The following RHOT2 variants were observed in gnomAD, a reference collection of about 807,000 sequenced individuals.
RHOT2 encodes mitochondrial Rho GTPase 2.
A neutral mutation model predicts 81.6 loss-of-function variants in RHOT2; 90 were observed. The observed-to-expected ratio is 1.10, with a 90% CI of 0.93 to 1.31. RHOT2 has a LOEUF of 1.31. Among genes scored for constraint, RHOT2 ranks in the 40% most tolerant of loss-of-function variants. The pLI, the probability that RHOT2 is intolerant of heterozygous loss-of-function variation, is 0.00. For missense variants in RHOT2, 1,014 were observed against 841.9 expected (o/e 1.20, Z -2.53); for synonymous variants, 512 against 370.9 (o/e 1.38, Z -4.37).
rs775691192 is a variant in RHOT2 at position 672,969 on chromosome 16, C to T, written c.1569C>T (p.Ser523=). 5 of 1,612,834 alleles carry T rather than the reference C, an allele frequency of 3.1e-6. No individual in the cohort carries two copies. The highest frequency in any genetic ancestry group is 1.7e-5 in the Admixed American group (1 of 60,034). ...GGCAGACCCCCTGCCTCTTTGTCTC[C>T]TCCAAGGCCGACCTGCCCGAAGGTG... is the stretch of plus-strand genomic sequence containing the variant. ...MDGQTPCLFV[S]SKADLPEGVA... The change falls in exon 18 of 19, where the codon TCC becomes TCT. Residue 523 remains serine (S), a synonymous_variant. Coordinates refer to ENST00000315082, the MANE Select transcript of RHOT2 (RefSeq NM_138769.3).
chr16:670,726 C>G lies in RHOT2; in HGVS notation c.592C>G (p.Gln198Glu), dbSNP rs1442658340. The change falls in exon 9 of 19, where the codon CAG becomes GAG. Residue 198 changes from glutamine (Q) to glutamate (E), a missense_variant. Gln to Glu is a conservative substitution (Grantham distance 29). Coordinates refer to ENST00000315082, the MANE Select transcript of RHOT2 (RefSeq NM_138769.3). ...GACGCGCATCTTCAGGCTCTCAGAT[C>G]AGGACCTGGACCAGGCGCTCAGTGA... ...ALTRIFRLSD[Q>E]DLDQALSDEE... is the part of the protein sequence containing the mutation. The G allele has an allele frequency of 1.2e-6, 2 of 1,612,518 alleles. No homozygotes were observed. The highest frequency in any genetic ancestry group is 1.7e-5 in the Admixed American group (1 of 60,032).
chr16:672,384 G>C lies in RHOT2; in HGVS notation c.1326G>C (p.Gly442=). Residue 442 remains glycine, a splice_region_variant and synonymous_variant, in exon 15 of 19, where the codon GGG becomes GGC. Coordinates refer to ENST00000315082, the MANE Select transcript of RHOT2 (RefSeq NM_138769.3). ...AGGCCTTTCTCGGCCGCGGCCTGGG[G>C]GTAAGCACCCTAGACTCCCCCACCA... ...FLQAFLGRGL[G]HQDTREQPPG... is the part of the protein sequence containing the mutation. The C allele has an allele frequency of 6.2e-7, 1 of 1,609,490 alleles. No individual in the cohort carries two copies. The highest frequency in any genetic ancestry group is 1.3e-5 in the African/African-American group (1 of 74,970).
intron 11 of RHOT2, 155 bp downstream of exon 11, chr16:671,358 C>T (rs1214344427): frequency 1.0e-5 from 10 of 980,272 alleles, no homozygotes; most frequent in African/African-American, 1.6e-5. Flanking sequence ...GGGTCGTGCC[C>T]TTGCCTGGCT....
chr16:669,558 C>A lies in RHOT2; in HGVS notation c.228C>A (p.Asn76Lys). The change falls in exon 5 of 19, where the codon AAC (asparagine) becomes AAA (lysine). Residue 76 changes from asparagine (N) to lysine (K), a missense_variant. By Grantham distance (94) the Asn-to-Lys change is moderately conservative (BLOSUM62 0). Coordinates refer to ENST00000315082, the MANE Select transcript of RHOT2 (RefSeq NM_138769.3). Reference sequence around the variant, plus strand: ...CCTCATCACTGTTCCCTCAGGCAAACGTGGTGTGTGTGGTGTATGACGTCT... The same window carrying A: ...CCTCATCACTGTTCCCTCAGGCAAAAGTGGTGTGTGTGGTGTATGACGTCT... The part of the protein sequence containing the change: ...EELREEIHKA[N>K]VVCVVYDVSE... 6.2e-7 allele frequency: 1 copy of A among 1,611,950 alleles called. No homozygotes were observed.
chr16:668,620 T>TG (rs1555465834), intron 3 of RHOT2, 36 bp from the exon 4 acceptor site: 1 of 1,609,152 alleles, frequency 6.2e-7, no homozygotes, highest in Non-Finnish European at 8.5e-7. Context: ...CCGGCGGGCC[T>TG]GCTGGGTCCG....
rs1461154465 is a variant in RHOT2, at chr16:671,781, G to A, written c.954G>A (p.Gln318=). The change falls in exon 12 of 19, where the codon CAG becomes CAA. Residue 318 remains glutamine, a splice_region_variant and synonymous_variant. Transcript: ENST00000315082. ...FVQRVFEKHD[Q]DRDGALSPVE... Reference sequence around the variant, plus strand: ...AGAGAGTGTTTGAGAAGCACGACCAGGTGAGAGCATGGCGAGTCCCCTGCC... The same window carrying A: ...AGAGAGTGTTTGAGAAGCACGACCAAGTGAGAGCATGGCGAGTCCCCTGCC... The A allele has an allele frequency of 1.2e-6, 2 of 1,611,968 alleles. No individual in the cohort carries two copies. The highest frequency in any genetic ancestry group is 1.7e-6 in the Non-Finnish European group (2 of 1,179,536).
Position 670,317 on chromosome 16 carries a change from C to A in RHOT2, c.398C>A (p.Pro133His). Residue 133 changes from proline (P) to histidine (H), a missense_variant, in exon 7 of 19, where the codon CCC (proline) becomes CAC (histidine). Pro to His is a moderately conservative substitution (Grantham distance 77). Coordinates refer to ENST00000315082, the MANE Select transcript of RHOT2 (RefSeq NM_138769.3). ...RSGSSMEAVL[P>H]IMSQFPEIET... ...GGGAGCTCCATGGAGGCCGTGCTCC[C>A]CATCATGAGCCAGTTTCCCGAGATT... 1 of 1,612,862 alleles carries A rather than the reference C, an allele frequency of 6.2e-7. No individual in the cohort carries two copies. Among genetic ancestry groups the A allele is most frequent in the East Asian group, 2.2e-5 (1 of 44,880 alleles).
In RHOT2 at chr16:672,562, TGATC is replaced by T; in HGVS notation, c.1402_1404+1del. The T allele has an allele frequency of 6.2e-7, 1 of 1,612,492 alleles. No individual in the cohort carries two copies. Among genetic ancestry groups the T allele is most frequent in the Non-Finnish European group, 8.5e-7 (1 of 1,179,830 alleles). The stretch of plus-strand genomic sequence containing the variant: ...CAGGTCAATGGACAGGAGAAGTACT[TGATC>T]GTGAGTGCTGGGGCGGCGCGGCCTG... On this transcript the variant is annotated frameshift_variant and splice_region_variant, in exon 16 of 19. Transcript: ENST00000315082. LOFTEE classifies it high-confidence loss of function.
rs2039339738 is a variant in RHOT2, at chr16:673,752, T to C, written c.*146T>C. On this transcript the variant is annotated 3_prime_UTR_variant, in exon 19 of 19. Transcript: ENST00000315082. ...ACTTTTTGTTTCTGAAGGCAGTCGA[T>C]CTGCAGCGGGGCCTTATGCTGCCAT... 4 of 1,011,348 alleles carry C rather than the reference T, an allele frequency of 4.0e-6. No individual in the cohort carries two copies. Among genetic ancestry groups the C allele is most frequent in the Non-Finnish European group, 5.7e-6 (4 of 703,858 alleles). 62.6% of individuals were successfully genotyped at this position (1,011,348 alleles called of 1,614,324 possible). A position where few individuals can be genotyped will look rare whatever the true frequency, so the allele number is the denominator to read the frequency against.
chr16:669,625 C>T lies in RHOT2; in HGVS notation c.276+19C>T, dbSNP rs560593409. 3.7e-6 allele frequency: 6 copies of T among 1,610,280 alleles called. No individual in the cohort carries two copies. The Admixed American group carries it at 6.7e-5, about 18-fold the overall frequency. On this transcript the variant is annotated intron_variant, in intron 5 of 18. Coordinates refer to ENST00000315082, the MANE Select transcript of RHOT2 (RefSeq NM_138769.3). ...TGAGAAGGTGAGCCCTCAGTGCAGACCCCAACAGCAGAGACACAGTGGCCG... is the reference window on the plus strand; with the variant it reads ...TGAGAAGGTGAGCCCTCAGTGCAGATCCCAACAGCAGAGACACAGTGGCCG...
chr16:669,901 G>A lies in RHOT2; in HGVS notation c.277-222G>A, dbSNP rs1053457874. On this transcript the variant is annotated intron_variant, in intron 5 of 18. Coordinates refer to ENST00000315082, the MANE Select transcript of RHOT2 (RefSeq NM_138769.3). ...TGCGTTGGGGGCGGCCCTAGGCTTG[G>A]GCCCCAGTGACTTGGGGGTGTTTGG... The A allele has an allele frequency of 3.6e-5, 22 of 614,680 alleles. No individual in the cohort carries two copies. The African/African-American group carries it at 3.7e-4, about 10-fold the overall frequency. 38.1% of individuals were successfully genotyped at this position (614,680 alleles called of 1,614,324 possible).
rs556125265 is a variant in RHOT2, at chr16:669,275, C to T, written c.223-278C>T. ...GGTCTTGCTGACCACAGTTATGCTT[C>T]TGGGGCCTGGTGTCCCTGCACTGGC... On this transcript the variant is annotated intron_variant, in intron 4 of 18. Coordinates refer to ENST00000315082, the MANE Select transcript of RHOT2 (RefSeq NM_138769.3). The T allele has an allele frequency of 3.0e-4, 167 of 548,894 alleles. 1 individual carries two copies. The South Asian group carries it at 3.2e-3, about 11-fold the overall frequency. The allele number at this position is 548,894 out of a possible 1,614,324, so 34.0% of individuals were successfully genotyped here.
chr16:673,669 G>A lies in RHOT2; in HGVS notation c.*63G>A. On this transcript the variant is annotated 3_prime_UTR_variant, in exon 19 of 19. Transcript: ENST00000315082. ...GTGCCTCGCTGCTGGGGCTCTGCAG[G>A]GGCAGCACAGCTGGGGTGCAGGCCA... is the stretch of plus-strand genomic sequence containing the variant. 1 of 1,554,616 alleles carries A rather than the reference G, an allele frequency of 6.4e-7. No homozygotes were observed. Among genetic ancestry groups the A allele is most frequent in the Non-Finnish European group, 8.7e-7 (1 of 1,152,848 alleles).
chr16:673,676 A>G lies in RHOT2; in HGVS notation c.*70A>G. ...GCTGCTGGGGCTCTGCAGGGGCAGC[A>G]CAGCTGGGGTGCAGGCCAGGCTGCC... On this transcript the variant is annotated 3_prime_UTR_variant, in exon 19 of 19. Transcript: ENST00000315082. 1 of 1,541,992 alleles carries G rather than the reference A, an allele frequency of 6.5e-7. No homozygotes were observed. Among genetic ancestry groups the G allele is most frequent in the Non-Finnish European group, 8.7e-7 (1 of 1,145,388 alleles).
At chr16:668,465 G>A in intron 2 of RHOT2, 23 bp from the exon 3 acceptor site, 1 of 1,591,094 alleles carries the variant, frequency 6.3e-7, no homozygotes. Flanking sequence ...GGGGTCCCTG[G>A]TGAGCGCGCG....
chr16:670,834 T>G lies in RHOT2; in HGVS notation c.640-58T>G. On this transcript the variant is annotated intron_variant, in intron 9 of 18. Transcript: ENST00000315082. ...TTGAACCTCCGCTGCCGTTAGTGAC[T>G]GGAACGGGTCGTCTCCGGGTGGCTG... 3 of 1,598,160 alleles carry G rather than the reference T, an allele frequency of 1.9e-6. No individual in the cohort carries two copies. In the South Asian group the frequency reaches 3.3e-5, roughly 18 times the overall value.
chr16:672,576 G>T lies in RHOT2; in HGVS notation c.1404+10G>T. On this transcript the variant is annotated intron_variant, in intron 16 of 18. Transcript: ENST00000315082. ...GGAGAAGTACTTGATCGTGAGTGCT[G>T]GGGCGGCGCGGCCTGTGCCCGAGGG... 1.2e-6 allele frequency: 2 copies of T among 1,612,270 alleles called. No individual in the cohort carries two copies. Among genetic ancestry groups the T allele is most frequent in the Non-Finnish European group, 1.7e-6 (2 of 1,179,712 alleles).
rs370718148 is a variant in RHOT2, at chr16:671,790, A to C, written c.954+9A>C. On this transcript the variant is annotated intron_variant, in intron 12 of 18. Coordinates refer to ENST00000315082, the MANE Select transcript of RHOT2 (RefSeq NM_138769.3). ...TTGAGAAGCACGACCAGGTGAGAGC[A>C]TGGCGAGTCCCCTGCCCCTGCCCCC... The C allele has an allele frequency of 1.2e-4, 194 of 1,610,380 alleles. No individual in the cohort carries two copies. Among genetic ancestry groups the C allele is most frequent in the Non-Finnish European group, 1.6e-4 (189 of 1,179,052 alleles).
chr16:669,511 G>T, intron 4 of RHOT2, 42 bp from the exon 5 acceptor site: 1 of 1,603,704 alleles, frequency 6.2e-7, no homozygotes. Context: ...TCGGTGGTGA[G>T]CCAGCAGCCC....
Sources: gnomAD v4.1 joint callset for allele counts on GRCh38, gnomAD v4.1.1 for gene constraint, MANE v1.5 for transcripts, NCBI Gene and HGNC (gene_info 2026-07-23, HGNC 2026-07-21) for gene names.